The following GPC6 variants were observed in gnomAD, a reference collection of about 807,000 sequenced individuals.
GPC6 encodes glypican 6.
GPC6 carries 14 observed loss-of-function variants against 55.2 expected under a neutral mutation model. The ratio of observed to expected loss-of-function variants is 0.25; its 90% CI spans 0.17 to 0.40. GPC6 has a LOEUF of 0.40. Ranked by LOEUF, GPC6 falls within the 10% of genes least tolerant of loss-of-function variation. The pLI is 1.00. For missense variants in GPC6, 641 were observed against 708.5 expected (o/e 0.90, Z 1.08); for synonymous variants, 278 against 259.6 (o/e 1.07, Z -0.68).
chr13:94,324,432 T>A (rs1877002544), intron 6 of GPC6, among the ~76,000 whole-genome samples: 7 of 152,050 alleles, frequency 4.6e-5, no homozygotes, highest in Admixed American at 3.9e-4. Flanking sequence ...ATAGCCTTTT[T>A]AAAAAAACTC....
chr13:93,599,958 C>A (rs1243026470), intron 2 of GPC6, among the ~76,000 whole-genome samples: 1 of 151,964 alleles, frequency 6.6e-6, no homozygotes, highest in Non-Finnish European at 1.5e-5. Flanking sequence ...AGGTGTTCTC[C>A]CCTCCAAAAA....
intron 1 of GPC6, among the ~76,000 whole-genome samples, chr13:93,300,554 A>C (rs1878640168): frequency 6.7e-6 from 1 of 149,718 alleles, no homozygotes; most frequent in Admixed American, 6.7e-5. Context: ...AGGCTGAGGC[A>C]GGAGAATGGT....
chr13:94,392,324 A>C (rs1457992264), intron 7 of GPC6, among the ~76,000 whole-genome samples: 1 of 151,462 alleles, frequency 6.6e-6, no homozygotes, highest in Non-Finnish European at 1.5e-5. Context: ...TTATTCATAT[A>C]TATAATAATA....
At chr13:93,884,061 C>G in intron 3 of GPC6, among the ~76,000 whole-genome samples, 1 of 152,194 alleles carries the variant, frequency 6.6e-6, no homozygotes, top group Middle Eastern at 3.4e-3. Flanking sequence ...CGACATATGG[C>G]ACATACTCAA....
intron 1 of GPC6, among the ~76,000 whole-genome samples, chr13:93,470,959 G>T (rs1258027979): frequency 1.3e-5 from 2 of 151,996 alleles, no homozygotes; most frequent in Non-Finnish European, 2.9e-5. Context: ...TCCATTTAAT[G>T]TCTGTAGGGT....
At chr13:93,312,886 C>T (rs9516214) in intron 1 of GPC6, among the ~76,000 whole-genome samples, 29,650 of 152,022 alleles carry the variant, frequency 0.2, 3,143 homozygotes, top group Non-Finnish European at 0.24. Context: ...TTCTATTTGG[C>T]TCTATAAACT....
chr13:93,517,966 C>T (rs1221646016), intron 1 of GPC6, among the ~76,000 whole-genome samples: 1 of 22,248 alleles, frequency 4.5e-5, no homozygotes, highest in East Asian at 3.1e-3. Flanking sequence ...GAAGAAATTG[C>T]TTATTAATAT....
At chr13:93,520,993 T>C (rs1881398441) in intron 1 of GPC6, among the ~76,000 whole-genome samples, 1 of 151,942 alleles carries the variant, frequency 6.6e-6, no homozygotes, top group Non-Finnish European at 1.5e-5. Flanking sequence ...ATCTTTTACA[T>C]TTAAAATATA....
intron 1 of GPC6, among the ~76,000 whole-genome samples, chr13:93,409,680 T>C (rs1034263738): frequency 1.3e-5 from 2 of 152,210 alleles, no homozygotes; most frequent in South Asian, 4.1e-4. Context: ...AGAATAGCTA[T>C]GGCTAACATT....
At chr13:93,596,568 G>A (rs1877738980) in intron 2 of GPC6, among the ~76,000 whole-genome samples, 1 of 147,620 alleles carries the variant, frequency 6.8e-6, no homozygotes, top group Non-Finnish European at 1.5e-5. Context: ...TTCTCCAGGG[G>A]AACAGAACCA....
chr13:94,182,249 C>T (rs781149376), intron 4 of GPC6, among the ~76,000 whole-genome samples: 3 of 151,696 alleles, frequency 2.0e-5, no homozygotes, highest in Non-Finnish European at 4.4e-5. Flanking sequence ...AATCAGGTTA[C>T]AAAATCAGAA....
At chr13:94,046,799 G>T (rs1883750608) in intron 4 of GPC6, among the ~76,000 whole-genome samples, 1 of 152,052 alleles carries the variant, frequency 6.6e-6, no homozygotes, top group Non-Finnish European at 1.5e-5. Flanking sequence ...ATGCCCTTGG[G>T]CAAGTTGCTT....
intron 3 of GPC6, among the ~76,000 whole-genome samples, chr13:93,985,157 A>G (rs1044699518): frequency 3.9e-5 from 6 of 152,154 alleles, no homozygotes; most frequent in African/African-American, 1.4e-4. Flanking sequence ...GGCCAGGGCC[A>G]GGCGCAGGGG....
chr13:93,833,542 G>T (rs1027612813), intron 3 of GPC6, among the ~76,000 whole-genome samples: 7 of 149,866 alleles, frequency 4.7e-5, no homozygotes, highest in Non-Finnish European at 7.4e-5. Flanking sequence ...GAACAAACTA[G>T]CTTATCTCCT....
At chr13:93,806,694 C>G (rs527871824) in intron 2 of GPC6, among the ~76,000 whole-genome samples, 2 of 152,186 alleles carry the variant, frequency 1.3e-5, no homozygotes, top group African/African-American at 4.8e-5. Context: ...TGCTTAAATT[C>G]CTGTGGACAG....
At chr13:93,793,851 C>T (rs1037411023) in intron 2 of GPC6, among the ~76,000 whole-genome samples, 2 of 152,112 alleles carry the variant, frequency 1.3e-5, no homozygotes. Flanking sequence ...TTTATTTTTA[C>T]TCTGCTAGGA....
In GPC6 at chr13:94,049,867, A is replaced by G. The variant is rs57469817; in HGVS notation, c.877+21973A>G. On this transcript the variant is annotated intron_variant, in intron 4 of 8. Transcript: ENST00000377047. Reference sequence around the variant, plus strand: ...ATAATCCCCACATGTTGTGGGAGGGACCAGGTAGAGATAATTGAATCACGG... The same window carrying G: ...ATAATCCCCACATGTTGTGGGAGGGGCCAGGTAGAGATAATTGAATCACGG... Among the ~76,000 whole-genome samples, 1,316 of 152,176 alleles carry G rather than the reference A, an allele frequency of 8.6e-3. 19 individuals are homozygous for G. The highest frequency in any genetic ancestry group is 0.03 in the African/African-American group (1,234 of 41,512).
At chr13:93,481,147 G>C (rs1419215317) in intron 1 of GPC6, among the ~76,000 whole-genome samples, 1 of 152,084 alleles carries the variant, frequency 6.6e-6, no homozygotes, top group Non-Finnish European at 1.5e-5. Context: ...TCGTAAAGTG[G>C]TATCTCATTG....
intron 4 of GPC6, among the ~76,000 whole-genome samples, chr13:94,131,531 G>A (rs951803152): frequency 2.0e-5 from 3 of 152,070 alleles, no homozygotes; most frequent in Non-Finnish European, 4.4e-5. Context: ...GAGAAATGAT[G>A]GTCTTGAGAA....
Sources: allele counts gnomAD v4.1 joint callset (sites outside exome capture counted in the v4.1 genomes callset), GRCh38; gene constraint gnomAD v4.1.1; transcripts MANE v1.5; gene names NCBI Gene and HGNC (gene_info 2026-07-23, HGNC 2026-07-21).